MYO5B: variants seen among roughly 807,000 people sequenced by gnomAD.
MYO5B encodes the protein myosin VB.
Under a neutral mutation model 229.3 loss-of-function variants are expected in MYO5B, and 143 were observed. That is an observed-to-expected ratio of 0.62 (90% confidence interval 0.54 to 0.72). The LOEUF is 0.72. Ranked by LOEUF, MYO5B falls within the 30% of genes least tolerant of loss-of-function variation. The probability of loss-of-function intolerance (pLI) is 0.00; values close to 1 mark genes in which losing one functional copy is unlikely to be tolerated. For missense variants in MYO5B, 2,321 were observed against 2,331.0 expected (o/e 1.00, Z 0.09); for synonymous variants, 918 against 885.2 (o/e 1.04, Z -0.66).
chr18:50,167,235 T>C (rs1347224699), intron 1 of MYO5B, among the ~76,000 whole-genome samples: 1 of 152,208 alleles, frequency 6.6e-6, no homozygotes, highest in Non-Finnish European at 1.5e-5. Flanking sequence ...TAGTGTAAAT[T>C]CACAACTTGA....
intron 1 of MYO5B, among the ~76,000 whole-genome samples, chr18:50,186,192 T>C (rs1264615130): frequency 1.3e-5 from 2 of 152,232 alleles, no homozygotes. Flanking sequence ...CATCCCAAGC[T>C]GGGCCAGCCT....
At chr18:49,942,342 C>A (rs1471133662) in intron 14 of MYO5B, among the ~76,000 whole-genome samples, 1 of 98,066 alleles carries the variant, frequency 1.0e-5, no homozygotes. Flanking sequence ...ATCTAATTGA[C>A]AAATGGGATC....
At chr18:49,946,833 C>T (rs80199698) in intron 14 of MYO5B, among the ~76,000 whole-genome samples, 73 of 374 alleles carry the variant, frequency 0.2, no homozygotes, top group Non-Finnish European at 0.28. Flanking sequence ...AAGGAGGTAC[C>T]AGTATGCTTC....
At chr18:50,156,705 C>A (rs990854775) in intron 1 of MYO5B, among the ~76,000 whole-genome samples, 1 of 152,138 alleles carries the variant, frequency 6.6e-6, no homozygotes, top group African/African-American at 2.4e-5. Flanking sequence ...TTCTTAGGTA[C>A]AAAAAAGCAT....
At chr18:50,033,020 T>C (rs751997259) in intron 4 of MYO5B, among the ~76,000 whole-genome samples, 16 of 152,032 alleles carry the variant, frequency 1.1e-4, no homozygotes, top group Admixed American at 2.0e-4. Context: ...TTCTCTTGGG[T>C]GCATACCTAA....
intron 4 of MYO5B, among the ~76,000 whole-genome samples, chr18:50,020,797 T>G (rs895781753): frequency 1.1e-4 from 16 of 152,296 alleles, no homozygotes; most frequent in African/African-American, 3.8e-4. Context: ...AAATATATGT[T>G]TTAATAGTTT....
chr18:49,910,267 T>A (rs1312256177), intron 18 of MYO5B, among the ~76,000 whole-genome samples: 9 of 151,528 alleles, frequency 5.9e-5, no homozygotes, highest in Admixed American at 1.3e-4. Context: ...CTGATCCGGG[T>A]CCCCTCCAGA....
At chr18:49,969,040 G>A (rs980016838) in intron 10 of MYO5B, among the ~76,000 whole-genome samples, 1 of 152,182 alleles carries the variant, frequency 6.6e-6, no homozygotes, top group African/African-American at 2.4e-5. Context: ...CTAGGAGGCT[G>A]GGAGACTCCA....
intron 6 of MYO5B, among the ~76,000 whole-genome samples, chr18:49,991,765 T>C (rs1210612372): frequency 1.3e-5 from 2 of 152,162 alleles, no homozygotes; most frequent in African/African-American, 2.4e-5. Context: ...ATGGCATGTG[T>C]ATACCTATGT....
At chr18:49,885,144 T>C (rs2024628998) in intron 22 of MYO5B, among the ~76,000 whole-genome samples, 5 of 152,150 alleles carry the variant, frequency 3.3e-5, no homozygotes, top group Admixed American at 2.6e-4. Context: ...ATACCCAAGA[T>C]AAATGAAAAC....
intron 4 of MYO5B, among the ~76,000 whole-genome samples, chr18:50,026,780 A>G (rs1156930277): frequency 1.3e-5 from 2 of 152,238 alleles, no homozygotes; most frequent in Non-Finnish European, 2.9e-5. Flanking sequence ...AAATCATACT[A>G]AGCATTTTCA....
intron 16 of MYO5B, among the ~76,000 whole-genome samples, chr18:49,930,658 C>G (rs549742487): frequency 6.6e-6 from 1 of 151,968 alleles, no homozygotes; most frequent in Non-Finnish European, 1.5e-5. Context: ...TTTGGGAGGC[C>G]GAGGTGGGTG....
At chr18:50,018,818 C>T (rs942489227) in intron 4 of MYO5B, among the ~76,000 whole-genome samples, 2 of 152,292 alleles carry the variant, frequency 1.3e-5, no homozygotes, top group Admixed American at 1.3e-4. Flanking sequence ...CTACTACTCT[C>T]AAGCTAAGAA....
At chr18:50,062,954 T>C (rs1418248076) in intron 1 of MYO5B, among the ~76,000 whole-genome samples, 2 of 152,178 alleles carry the variant, frequency 1.3e-5, no homozygotes, top group Non-Finnish European at 2.9e-5. Flanking sequence ...GGTGGAAATG[T>C]CTTCTGCACC....
Position 49,928,320 on chromosome 18 carries a change from T to G in MYO5B, c.2090+1192A>C, listed in dbSNP as rs529136069. 2.8e-3 allele frequency among the ~76,000 whole-genome samples: 433 copies of G among 152,298 alleles called. 3 individuals are homozygous for G. The highest frequency in any genetic ancestry group is 9.8e-3 in the African/African-American group (406 of 41,566). On this transcript the variant is annotated intron_variant, in intron 17 of 39. Transcript: ENST00000285039. The stretch of plus-strand genomic sequence containing the variant: ...CTAGAACAACTGCTATGGAAAACAG[T>G]GTGGATATTCCTTAAAGAACTAAGA...
At chr18:49,963,415 A>AATTAATTT (rs1555647597) in intron 10 of MYO5B, among the ~76,000 whole-genome samples, 13 of 147,926 alleles carry the variant, frequency 8.8e-5, no homozygotes, top group African/African-American at 3.1e-4. Context: ...TTAATTAATT[A>AATTAATTT]ATTTATTTAT....
chr18:49,882,437 G>C (rs948271476), intron 22 of MYO5B, among the ~76,000 whole-genome samples: 2 of 151,776 alleles, frequency 1.3e-5, no homozygotes, highest in African/African-American at 4.8e-5. Flanking sequence ...AGATGATCCT[G>C]GCCAACATGC....
At chr18:49,974,222 C>G in intron 10 of MYO5B, 128 bp downstream of exon 10, 1 of 1,372,228 alleles carries the variant, frequency 7.3e-7, no homozygotes, top group African/African-American at 1.4e-5. Flanking sequence ...TAAAAATGGC[C>G]CCACACATTT....
chr18:50,177,834 G>A (rs897891740), intron 1 of MYO5B, among the ~76,000 whole-genome samples: 2 of 152,204 alleles, frequency 1.3e-5, no homozygotes, highest in African/African-American at 4.8e-5. Context: ...ACAGGGAATA[G>A]CAAGAGGTGA....
Sources: gnomAD v4.1 joint callset for allele counts (sites outside exome capture counted in the v4.1 genomes callset) on GRCh38, gnomAD v4.1.1 for gene constraint, MANE v1.5 for transcripts, NCBI Gene and HGNC (gene_info 2026-07-23, HGNC 2026-07-21) for gene names.